The following NFYA variants were observed in gnomAD, a reference collection of about 807,000 sequenced individuals.
NFYA encodes CAAT-box DNA binding protein subunit A.
In NFYA, 28 loss-of-function variants were observed where a neutral mutation model predicts 52.8. The ratio of observed to expected loss-of-function variants is 0.53; its 90% CI spans 0.39 to 0.73. The LOEUF is 0.73. NFYA is among the 30% of genes least tolerant of loss of function. NFYA has a pLI of 0.00. For missense variants in NFYA, 234 were observed against 427.0 expected (o/e 0.55, Z 3.98); for synonymous variants, 150 against 150.7 (o/e 1.00, Z 0.03).
At chr6:41,092,134 C>T (rs7760860) in intron 7 of NFYA, among the ~76,000 whole-genome samples, 33,680 of 152,046 alleles carry the variant, frequency 0.22, 5,408 homozygotes, top group African/African-American at 0.45. Context: ...GGTGGTGTAA[C>T]TGAAAGCTAA....
At position 41,098,848 on chromosome 6, in the gene NFYA, A is replaced by C. The variant is rs1029516529; in HGVS notation, c.*1438A>C. On this transcript the variant is annotated 3_prime_UTR_variant, in exon 10 of 10. Coordinates refer to ENST00000341376, the MANE Select transcript of NFYA (RefSeq NM_002505.5). ...TTCCCAGAACGGGTTGTGCCTCAGA[A>C]ATCTATTTCTCTTTTAGATGTTGAA... The C allele has an allele frequency of 2.0e-5, 3 of 152,640 alleles. No homozygotes were observed. The highest frequency in any genetic ancestry group is 2.9e-5 in the Non-Finnish European group (2 of 68,042). 9.5% of individuals were successfully genotyped at this position (152,640 alleles called of 1,614,324 possible).
intron 3 of NFYA, among the ~76,000 whole-genome samples, chr6:41,081,284 TC>T (rs372521386): frequency 6.2e-4 from 94 of 152,128 alleles, no homozygotes; most frequent in African/African-American, 2.1e-3. Flanking sequence ...GGTCAGGAGA[TC>T]GAGACCATCC....
Position 41,098,370 on chromosome 6 carries a change from G to A in NFYA, c.*960G>A, listed in dbSNP as rs1764414965. ...ATTCATGTGTTTCAGCCTAGTGGGA[G>A]AGAGTGGGGGAGAGGAAGAGAGAGA... On this transcript the variant is annotated 3_prime_UTR_variant, in exon 10 of 10. Transcript: ENST00000341376. 6.6e-6 allele frequency: 1 copy of A among 152,262 alleles called. No individual in the cohort carries two copies. The highest frequency in any genetic ancestry group is 2.1e-4 in the South Asian group (1 of 4,832). 9.4% of individuals were successfully genotyped at this position (152,262 alleles called of 1,614,324 possible).
chr6:41,072,996 G>C lies in NFYA; in HGVS notation c.-150G>C, dbSNP rs1175083374. On this transcript the variant is annotated 5_prime_UTR_variant, in exon 1 of 10. Coordinates refer to ENST00000341376, the MANE Select transcript of NFYA (RefSeq NM_002505.5). Reference sequence around the variant, plus strand: ...TTTGCTAGGCAGCGGCAGTGGCGGCGGCAGCGGCGGCTGGAGCCTCTGATT... The same window carrying C: ...TTTGCTAGGCAGCGGCAGTGGCGGCCGCAGCGGCGGCTGGAGCCTCTGATT... The C allele has an allele frequency of 1.3e-5, 2 of 155,038 alleles. No homozygotes were observed. The highest frequency in any genetic ancestry group is 3.8e-4 in the East Asian group (2 of 5,214). The allele number at this position is 155,038 out of a possible 1,614,324, so 9.6% of individuals were successfully genotyped here.
chr6:41,074,290 G>A (rs1337589703), intron 1 of NFYA, among the ~76,000 whole-genome samples: 2 of 152,218 alleles, frequency 1.3e-5, no homozygotes, highest in African/African-American at 4.8e-5. Flanking sequence ...AGAGGTTGCT[G>A]TTGGCAACCA....
chr6:41,092,298 A>G (rs1217475164), intron 7 of NFYA, among the ~76,000 whole-genome samples: 1 of 152,224 alleles, frequency 6.6e-6, no homozygotes, highest in Non-Finnish European at 1.5e-5. Flanking sequence ...AGGCTAATCC[A>G]GGAGGATGGC....
chr6:41,077,317 A>G (rs1365440635), intron 1 of NFYA, among the ~76,000 whole-genome samples: 1 of 152,166 alleles, frequency 6.6e-6, no homozygotes, highest in Non-Finnish European at 1.5e-5. Flanking sequence ...TGCAACTGCT[A>G]CCACAATGAA....
At position 41,097,633 on chromosome 6, in the gene NFYA, C is replaced by G; in HGVS notation, c.*223C>G. On this transcript the variant is annotated 3_prime_UTR_variant, in exon 10 of 10. Coordinates refer to ENST00000341376, the MANE Select transcript of NFYA (RefSeq NM_002505.5). Reference sequence around the variant, plus strand: ...TCTTTCAGTCAGGACCTATTTCAGACTGTTGATGACATTGACATTTCATGG... The same window carrying G: ...TCTTTCAGTCAGGACCTATTTCAGAGTGTTGATGACATTGACATTTCATGG... The G allele has an allele frequency of 2.0e-6, 1 of 500,532 alleles. No homozygotes were observed. The highest frequency in any genetic ancestry group is 3.6e-6 in the Non-Finnish European group (1 of 277,974). The allele number at this position is 500,532 out of a possible 1,614,324, so 31.0% of individuals were successfully genotyped here.
At chr6:41,085,839 T>G (rs908737239) in intron 4 of NFYA, among the ~76,000 whole-genome samples, 2 of 152,180 alleles carry the variant, frequency 1.3e-5, no homozygotes, top group Admixed American at 6.5e-5. Context: ...GGATTTTGGT[T>G]TTCATTTGCC....
intron 5 of NFYA, 143 bp from the exon 6 acceptor site, chr6:41,090,061 G>A: frequency 1.7e-6 from 1 of 575,902 alleles, no homozygotes; most frequent in Non-Finnish European, 3.1e-6. Flanking sequence ...AGTGAGCTGA[G>A]ATTGCGCCAC....
At chr6:41,074,003 C>A (rs4140580) in intron 1 of NFYA, among the ~76,000 whole-genome samples, 6 of 151,528 alleles carry the variant, frequency 4.0e-5, no homozygotes, top group Non-Finnish European at 8.8e-5. Flanking sequence ...TACCCTTGCG[C>A]ATTCTTTCCG....
chr6:41,090,211 A>C lies in NFYA; in HGVS notation c.449A>C (p.Gln150Pro), dbSNP rs143219175. ...AVTAGQTQTQ[Q>P]QIAVQGQQVA... ...ATTACTTATTTCCTCCAGACACAGCAGCAGATTGCTGTCCAGGGACAGCAA... is the reference window on the plus strand; with the variant it reads ...ATTACTTATTTCCTCCAGACACAGCCGCAGATTGCTGTCCAGGGACAGCAA... The change falls in exon 6 of 10, where the codon CAG becomes CCG. Residue 150 changes from glutamine to proline, a missense_variant. By Grantham distance (76) the Gln-to-Pro change is moderately conservative. Around this residue, in one of 3 missense-constraint regions of NFYA, gnomAD observed 118 missense variants for 182.4 expected, o/e 0.65. Coordinates refer to ENST00000341376, the MANE Select transcript of NFYA (RefSeq NM_002505.5). 8.1e-5 allele frequency: 131 copies of C among 1,610,076 alleles called. 1 individual carries two copies. In the African/African-American group the frequency reaches 1.3e-3, roughly 16 times the overall value.
chr6:41,093,854 T>C (rs6912013), intron 8 of NFYA, among the ~76,000 whole-genome samples: 17,757 of 152,180 alleles, frequency 0.12, 2,625 homozygotes, highest in African/African-American at 0.35. Flanking sequence ...ACACCTAACA[T>C]GCAGATAAGG....
rs1160426052 is a variant in NFYA, at chr6:41,101,567, C to T, written c.*4157C>T. Among the ~76,000 whole-genome samples the T allele has an allele frequency of 1.3e-5, 2 of 152,138 alleles. No homozygotes were observed. Among genetic ancestry groups the T allele is most frequent in the Admixed American group, 1.3e-4 (2 of 15,272 alleles). Reference sequence around the variant, plus strand: ...CTTGGCGTCATAAGTATATGCCCGCCGTTGTTCTGGCCGTAGCTATCTAGC... The same window carrying T: ...CTTGGCGTCATAAGTATATGCCCGCTGTTGTTCTGGCCGTAGCTATCTAGC... On this transcript the variant is annotated 3_prime_UTR_variant, in exon 10 of 10. Coordinates refer to ENST00000341376, the MANE Select transcript of NFYA (RefSeq NM_002505.5).
chr6:41,078,329 T>C (rs1763796858), intron 1 of NFYA, among the ~76,000 whole-genome samples: 1 of 152,218 alleles, frequency 6.6e-6, no homozygotes, highest in East Asian at 1.9e-4. Flanking sequence ...GCCACGATAA[T>C]GAGCAGCTCA....
Position 41,093,043 on chromosome 6 carries a change from A to G in NFYA, c.846A>G (p.Arg282=). The G allele has an allele frequency of 1.2e-6, 2 of 1,614,164 alleles. No individual in the cohort carries two copies. Among genetic ancestry groups the G allele is most frequent in the Non-Finnish European group, 1.7e-6 (2 of 1,180,012 alleles). ...YHRILKRRQA[R]AKLEAEGKIP... Reference sequence around the variant, plus strand: ...GTATTCTTAAGAGGAGGCAAGCCCGAGCTAAACTAGAGGCAGAAGGGAAAA... The same window carrying G: ...GTATTCTTAAGAGGAGGCAAGCCCGGGCTAAACTAGAGGCAGAAGGGAAAA... The change falls in exon 8 of 10, where the codon CGA becomes CGG. Residue 282 remains arginine (R), a synonymous_variant. Coordinates refer to ENST00000341376, the MANE Select transcript of NFYA (RefSeq NM_002505.5).
intron 4 of NFYA, among the ~76,000 whole-genome samples, chr6:41,085,244 A>G (rs1156928537): frequency 6.6e-6 from 1 of 152,240 alleles, no homozygotes; most frequent in African/African-American, 2.4e-5. Flanking sequence ...GAAAAGCATC[A>G]ATAGTAGGGG....
At chr6:41,081,359 G>A (rs767797687) in intron 3 of NFYA, among the ~76,000 whole-genome samples, 4 of 152,010 alleles carry the variant, frequency 2.6e-5, no homozygotes, top group Non-Finnish European at 5.9e-5. Flanking sequence ...GCATGGTGGC[G>A]GGCACCTGTA....
chr6:41,079,922 T>C lies in NFYA; in HGVS notation c.75+758T>C, dbSNP rs546961641. ...TTGATGATGAGTTTTTCCCGTCTAA[T>C]GATCAAAGACGAACTCCCCTGATAG... On this transcript the variant is annotated intron_variant, in intron 2 of 9. Coordinates refer to ENST00000341376, the MANE Select transcript of NFYA (RefSeq NM_002505.5). Among the ~76,000 whole-genome samples the C allele has an allele frequency of 3.9e-5, 6 of 152,326 alleles. No homozygotes were observed. The South Asian group carries it at 1.2e-3, about 32-fold the overall frequency.
Sources: gnomAD v4.1 joint callset for allele counts (sites outside exome capture counted in the v4.1 genomes callset) on GRCh38, gnomAD v4.1.1 for gene constraint, gnomAD v4.1.1 regional missense constraint, MANE v1.5 for transcripts, NCBI Gene and HGNC (gene_info 2026-07-23, HGNC 2026-07-21) for gene names.